The following NRP1 variants were observed in gnomAD, a reference collection of about 807,000 sequenced individuals.
NRP1 encodes neuropilin 1.
NRP1 carries 35 observed loss-of-function variants against 106.7 expected under a neutral mutation model. The ratio of observed to expected loss-of-function variants is 0.33; its 90% CI spans 0.25 to 0.43. The LOEUF is 0.43. Ranked by LOEUF, NRP1 falls within the 20% of genes least tolerant of loss-of-function variation. NRP1 has a pLI of 1.00. For missense variants in NRP1, 1,024 were observed against 1,170.4 expected (o/e 0.87, Z 1.83); for synonymous variants, 437 against 417.9 (o/e 1.05, Z -0.56).
intron 7 of NRP1, among the ~76,000 whole-genome samples, chr10:33,224,613 C>T (rs1207220601): frequency 6.7e-6 from 1 of 149,590 alleles, no homozygotes; most frequent in Non-Finnish European, 1.5e-5. Flanking sequence ...AGGTTTGTTA[C>T]ACAGGTAACT....
chr10:33,183,549 T>C (rs1835820626), intron 15 of NRP1, among the ~76,000 whole-genome samples: 1 of 152,228 alleles, frequency 6.6e-6, no homozygotes, highest in African/African-American at 2.4e-5. Flanking sequence ...CTGTGCCCTG[T>C]GTATTACAAA....
At chr10:33,232,799 C>G (rs369781108) in intron 6 of NRP1, among the ~76,000 whole-genome samples, 1 of 151,712 alleles carries the variant, frequency 6.6e-6, no homozygotes, top group Non-Finnish European at 1.5e-5. Context: ...CCCGCTCTCA[C>G]GCCCAGCTAA....
chr10:33,294,596 A>G (rs181618761), intron 2 of NRP1, among the ~76,000 whole-genome samples: 23 of 148,852 alleles, frequency 1.5e-4, no homozygotes, highest in African/African-American at 5.6e-4. Context: ...CAGCCTGGAC[A>G]ACAAGAGTGA....
At chr10:33,305,679 G>A (rs1434202286) in intron 2 of NRP1, among the ~76,000 whole-genome samples, 1 of 151,370 alleles carries the variant, frequency 6.6e-6, no homozygotes, top group African/African-American at 2.4e-5. Flanking sequence ...AATTCTATAG[G>A]TTTAAAAAAT....
intron 8 of NRP1, among the ~76,000 whole-genome samples, chr10:33,220,111 A>G (rs1839110172): frequency 6.6e-6 from 1 of 152,212 alleles, no homozygotes; most frequent in African/African-American, 2.4e-5. Flanking sequence ...TGTCTGTGGG[A>G]TGGAAATAAA....
At chr10:33,296,608 A>C (rs2132667993) in intron 2 of NRP1, among the ~76,000 whole-genome samples, 1 of 152,292 alleles carries the variant, frequency 6.6e-6, no homozygotes, top group African/African-American at 2.4e-5. Flanking sequence ...GGGATGGGAA[A>C]AGGTAATTTG....
At chr10:33,256,208 C>T in intron 5 of NRP1, 108 bp downstream of exon 5, 7 of 1,061,198 alleles carry the variant, frequency 6.6e-6, no homozygotes, top group Non-Finnish European at 8.3e-6. Flanking sequence ...ACAGCTGGCA[C>T]CCCAGTTCAC....
At chr10:33,187,839 T>C (rs1836114443) in intron 13 of NRP1, among the ~76,000 whole-genome samples, 1 of 152,208 alleles carries the variant, frequency 6.6e-6, no homozygotes, top group Non-Finnish European at 1.5e-5. Flanking sequence ...CGCTTGCCTG[T>C]GTCAACAGTG....
intron 3 of NRP1, among the ~76,000 whole-genome samples, chr10:33,266,330 G>A (rs1274080854): frequency 2.6e-5 from 4 of 152,136 alleles, no homozygotes; most frequent in Non-Finnish European, 5.9e-5. Context: ...ACTGGATGGA[G>A]CCCCAGGAGA....
chr10:33,308,113 G>A (rs190875308), intron 2 of NRP1, among the ~76,000 whole-genome samples: 13 of 152,112 alleles, frequency 8.5e-5, no homozygotes, highest in South Asian at 8.3e-4. Context: ...ACTAGTGCAC[G>A]AACAGAAAAT....
intron 13 of NRP1, among the ~76,000 whole-genome samples, chr10:33,189,167 A>G (rs1259717148): frequency 6.6e-6 from 1 of 151,638 alleles, no homozygotes; most frequent in Admixed American, 6.6e-5. Context: ...CTCACTCACA[A>G]TAAACACCCG....
chr10:33,249,666 A>T, intron 6 of NRP1: 1 of 365,556 alleles, frequency 2.7e-6, no homozygotes. Context: ...AGGGCAGGCA[A>T]ATTTCATAGT....
At chr10:33,188,082 C>T (rs1319450687) in intron 13 of NRP1, among the ~76,000 whole-genome samples, 1 of 152,084 alleles carries the variant, frequency 6.6e-6, no homozygotes, top group Admixed American at 6.6e-5. Context: ...TTGTTTTGCC[C>T]ACTAATTTAT....
intron 9 of NRP1, among the ~76,000 whole-genome samples, chr10:33,209,779 T>G (rs2132771335): frequency 6.6e-6 from 1 of 152,342 alleles, no homozygotes; most frequent in Middle Eastern, 3.4e-3. Context: ...GACAGCCCAG[T>G]CTCCTGATTT....
chr10:33,253,499 T>C (rs994481673), intron 6 of NRP1, among the ~76,000 whole-genome samples: 1 of 152,294 alleles, frequency 6.6e-6, no homozygotes, highest in South Asian at 2.1e-4. Context: ...AACCCCCTTC[T>C]TGGATGTGTG....
At chr10:33,197,944 A>T (rs1374742036) in intron 11 of NRP1, among the ~76,000 whole-genome samples, 1 of 152,108 alleles carries the variant, frequency 6.6e-6, no homozygotes, top group East Asian at 1.9e-4. Context: ...TATAAATAAA[A>T]TAATTGTCTA....
chr10:33,190,553 C>T (rs995766965), intron 13 of NRP1, among the ~76,000 whole-genome samples: 1 of 152,104 alleles, frequency 6.6e-6, no homozygotes, highest in African/African-American at 2.4e-5. Context: ...GAAAAGTGAA[C>T]CACAAAATGG....
chr10:33,206,099 AG>A, intron 10 of NRP1: 1 of 447,856 alleles, frequency 2.2e-6, no homozygotes, highest in Non-Finnish European at 4.5e-6. Flanking sequence ...AATTTTTGCA[AG>A]CGTGCTTTCA....
At chr10:33,201,709 G>A (rs1588709956) in intron 11 of NRP1, 1 of 152,266 alleles carries the variant, frequency 6.6e-6, no homozygotes, top group African/African-American at 2.4e-5. Context: ...CCATATGAAT[G>A]TAAATGATTA....
Sources: allele counts gnomAD v4.1 joint callset (sites outside exome capture counted in the v4.1 genomes callset), GRCh38; gene constraint gnomAD v4.1.1; transcripts MANE v1.5; gene names NCBI Gene and HGNC (gene_info 2026-07-23, HGNC 2026-07-21).